Variants in CFAP46 observed in about 807,000 individuals in gnomAD.
The protein encoded by CFAP46 is cilia- and flagella-associated protein 46.
In CFAP46, 245 loss-of-function variants were observed where a neutral mutation model predicts 325.7. The ratio of observed to expected loss-of-function variants is 0.75; its 90% confidence interval spans 0.68 to 0.84. The LOEUF (loss-of-function observed/expected upper bound fraction) is 0.84. CFAP46 is among the 40% of genes least tolerant of loss of function. The pLI is 0.00. For synonymous variants in CFAP46, 1,523 were observed against 1,495.9 expected (o/e 1.02, Z -0.42); for missense variants, 3,346 against 3,543.0 (o/e 0.94, Z 1.41).
intron 20 of CFAP46, among the ~76,000 whole-genome samples, chr10:132,909,689 C>A (rs1030968632): frequency 1.3e-5 from 2 of 152,366 alleles, no homozygotes; most frequent in Admixed American, 1.3e-4. Flanking sequence ...AGCACCCCCA[C>A]AGGCCCAGCA....
intron 44 of CFAP46, among the ~76,000 whole-genome samples, chr10:132,841,978 G>A (rs899478285): frequency 6.6e-6 from 1 of 152,200 alleles, no homozygotes; most frequent in Non-Finnish European, 1.5e-5. Context: ...AACAGCACCC[G>A]GCCCTTCCTC....
chr10:132,816,917 G>C (rs1368335416), intron 50 of CFAP46, among the ~76,000 whole-genome samples: 2 of 152,192 alleles, frequency 1.3e-5, no homozygotes, highest in African/African-American at 4.8e-5. Flanking sequence ...GCCTGTGTCT[G>C]AGGCACAGTG....
rs1224437939 is a variant in CFAP46, at chr10:132,860,914, T to C, written c.4959A>G (p.Lys1653=). The C allele has an allele frequency of 6.4e-7, 1 of 1,550,764 alleles. No homozygotes were observed. ...TCATTTTCTTGGCTTGTCCATAGTT[T>C]TTCTCCTTGTTGGCCAACTGTGCGA... ...LLLAQLANKE[K]NYGQAKKMIA... Residue 1653 remains lysine (K), a synonymous_variant, in exon 36 of 58, where the codon AAA becomes AAG. Transcript: ENST00000368586.
Position 132,822,548 on chromosome 10 carries a change from C to T in CFAP46, c.7118-7634G>A, listed in dbSNP as rs1565036379. ...GACGTGTGCTGTGTGCTGACGTGTG[C>T]TGTGTGTGCGCTGATGTGTGCTGTG... On this transcript the variant is annotated intron_variant, in intron 50 of 57. Coordinates refer to ENST00000368586, the MANE Select transcript of CFAP46 (RefSeq NM_001200049.3). 2.0e-5 allele frequency among the ~76,000 whole-genome samples: 2 copies of T among 101,750 alleles called. 1 individual carries two copies. The highest frequency in any genetic ancestry group is 2.4e-4 in the Admixed American group (2 of 8,346). The allele number at this position is 101,750 out of a possible 152,430, so 66.8% of individuals were successfully genotyped here.
intron 41 of CFAP46, among the ~76,000 whole-genome samples, chr10:132,848,113 G>C (rs1394095408): frequency 6.6e-6 from 1 of 152,138 alleles, no homozygotes; most frequent in Non-Finnish European, 1.5e-5. Context: ...AGCCACTGCA[G>C]AGTCCCCAGG....
At chr10:132,937,428 A>G in intron 6 of CFAP46, 124 bp downstream of exon 6, 1 of 1,087,496 alleles carries the variant, frequency 9.2e-7, no homozygotes. Flanking sequence ...AATTTTGTTC[A>G]TGTATGTATG....
chr10:132,928,561 T>TC (rs1223606060), intron 9 of CFAP46, among the ~76,000 whole-genome samples: 1 of 151,552 alleles, frequency 6.6e-6, no homozygotes, highest in Admixed American at 6.6e-5. Flanking sequence ...ACTGGACGGC[T>TC]CCCCCCGTGC....
chr10:132,890,758 C>T (rs1006425090), intron 25 of CFAP46, among the ~76,000 whole-genome samples: 12 of 152,116 alleles, frequency 7.9e-5, no homozygotes, highest in Admixed American at 3.3e-4. Context: ...TTGCCGTGTG[C>T]GTCGGGCTCA....
In CFAP46 at chr10:132,823,866, C is replaced by G. The variant is rs978818940; in HGVS notation, c.7118-8952G>C. On this transcript the variant is annotated intron_variant, in intron 50 of 57. Coordinates refer to ENST00000368586, the MANE Select transcript of CFAP46 (RefSeq NM_001200049.3). ...TTGTGTGAGTGCTGATGTGTGCTGT[C>G]TGTGCGCTGATGTGCGCTGTCTGTG... 1.1e-4 allele frequency among the ~76,000 whole-genome samples: 14 copies of G among 123,206 alleles called. No individual in the cohort carries two copies. In the East Asian group the frequency reaches 1.9e-3, roughly 16 times the overall value. The allele number at this position is 123,206 out of a possible 152,430, so 80.8% of individuals were successfully genotyped here.
chr10:132,851,405 A>C, intron 39 of CFAP46, 100 bp from the exon 40 acceptor site: 6 of 1,139,222 alleles, frequency 5.3e-6, no homozygotes, highest in South Asian at 1.5e-5. Flanking sequence ...TAAGAAACTC[A>C]TAACAAACTG....
intron 22 of CFAP46, among the ~76,000 whole-genome samples, chr10:132,900,094 C>G (rs972887784): frequency 6.6e-6 from 1 of 152,218 alleles, no homozygotes; most frequent in African/African-American, 2.4e-5. Context: ...CTAGCTGTGT[C>G]CAGTCAGCCC....
Position 132,832,065 on chromosome 10 carries a change from A to C in CFAP46, c.7117+1293T>G, listed in dbSNP as rs1406044075. Among the ~76,000 whole-genome samples, 1 of 152,140 alleles carries C rather than the reference A, an allele frequency of 6.6e-6. No individual in the cohort carries two copies. The highest frequency in any genetic ancestry group is 1.5e-5 in the Non-Finnish European group (1 of 68,040). On this transcript the variant is annotated intron_variant, in intron 50 of 57. Transcript: ENST00000368586. This position sits in a 1 kb window ranked among gnomAD's most constrained non-coding sequence, Gnocchi z 4.1. ...CTCATCTTTTGTGCTGTCGTCATTCATTTCACATTTATGTTATAAAACCCC... is the reference window on the plus strand; with the variant it reads ...CTCATCTTTTGTGCTGTCGTCATTCCTTTCACATTTATGTTATAAAACCCC...
intron 21 of CFAP46, 91 bp downstream of exon 21, chr10:132,909,046 G>A (rs959589376): frequency 4.4e-5 from 40 of 904,520 alleles, no homozygotes; most frequent in East Asian, 5.3e-5. Context: ...GAGCATGCAC[G>A]ATGGGGCTCG....
At position 132,834,091 on chromosome 10, in the gene CFAP46, C is replaced by T; in HGVS notation, c.6899G>A (p.Gly2300Glu). The T allele has an allele frequency of 6.2e-7, 1 of 1,614,146 alleles. No individual in the cohort carries two copies. The change falls in exon 49 of 58, where the codon GGG (glycine) becomes GAG (glutamate). Residue 2300 changes from glycine (G) to glutamate (E), a missense_variant. Transcript: ENST00000368586. ...CTCCTTGTCTTTGCCCTTCGACTTC[C>T]CTGAATCGGCAACAACCGCAGGTGT... ...VQTPAVVADS[G>E]KSKGKDKERK... is the part of the protein sequence containing the mutation.
chr10:132,921,570 C>A (rs535058019), intron 13 of CFAP46, among the ~76,000 whole-genome samples: 1 of 152,304 alleles, frequency 6.6e-6, no homozygotes, highest in African/African-American at 2.4e-5. Flanking sequence ...ACCCCATTCC[C>A]CAGAGCAGGG....
intron 57 of CFAP46, among the ~76,000 whole-genome samples, chr10:132,809,682 C>T (rs1469774667): frequency 2.0e-5 from 3 of 152,096 alleles, no homozygotes; most frequent in African/African-American, 7.2e-5. Context: ...TGTGGCTCCT[C>T]CCCGGGGTCC....
At chr10:132,859,808 G>T (rs1361066767) in intron 37 of CFAP46, among the ~76,000 whole-genome samples, 1 of 152,240 alleles carries the variant, frequency 6.6e-6, no homozygotes, top group African/African-American at 2.4e-5. Flanking sequence ...TCCTTGAAAA[G>T]GTCTGCTGCG....
At chr10:132,861,057 G>C in intron 35 of CFAP46, 75 bp from the exon 36 acceptor site, 3 of 1,379,640 alleles carry the variant, frequency 2.2e-6, no homozygotes, top group Non-Finnish European at 3.0e-6. Context: ...AGCAGGCAGA[G>C]AGAAGGAAGA....
In CFAP46 at chr10:132,919,505, A is replaced by G. The variant is rs982070555; in HGVS notation, c.1731-63T>C. 38 of 1,501,944 alleles carry G rather than the reference A, an allele frequency of 2.5e-5. No individual in the cohort carries two copies. The highest frequency in any genetic ancestry group is 3.4e-5 in the Non-Finnish European group (38 of 1,123,666). 93.0% of individuals were successfully genotyped at this position (1,501,944 alleles called of 1,614,324 possible). ...GACAAGTGTGGTTGCTGAAGTTAGA[A>G]AACACCTGGGCTGGCTGCCTGAGAA... On this transcript the variant is annotated intron_variant, in intron 14 of 57. Transcript: ENST00000368586. The surrounding 1 kb of genome is among the most constrained non-coding windows in gnomAD (Gnocchi z 9.7).
Sources: allele counts gnomAD v4.1 joint callset (sites outside exome capture counted in the v4.1 genomes callset), GRCh38; gene constraint gnomAD v4.1.1; non-coding constraint Gnocchi (gnomAD v3.1); transcripts MANE v1.5; gene names NCBI Gene and HGNC (gene_info 2026-07-23, HGNC 2026-07-21).